ULK4: variants seen among roughly 807,000 people sequenced by gnomAD.
The protein encoded by ULK4 is inactive serine/threonine-protein kinase ULK4.
ULK4 carries 133 observed loss-of-function variants against 160.6 expected under a neutral mutation model. That is an observed-to-expected ratio of 0.83 (90% confidence interval 0.72 to 0.96). The LOEUF (loss-of-function observed/expected upper bound fraction) is 0.96, where lower values mean the gene tolerates loss of function less well. Ranked by LOEUF, ULK4 falls within the 40% of genes least tolerant of loss-of-function variation. The pLI is 0.00. For missense variants in ULK4, 1,580 were observed against 1,499.5 expected, an observed-to-expected ratio of 1.05 and a Z score of -0.89; for synonymous variants, 534 against 539.8, an observed-to-expected ratio of 0.99 and a Z score of 0.15.
chr3:41,334,065 C>T (rs909913232), intron 35 of ULK4, among the ~76,000 whole-genome samples: 1 of 152,084 alleles, frequency 6.6e-6, no homozygotes, highest in Non-Finnish European at 1.5e-5. Flanking sequence ...TTCACACATG[C>T]GCACATACAC....
chr3:41,380,459 G>C (rs2081623890), intron 35 of ULK4, among the ~76,000 whole-genome samples: 1 of 152,156 alleles, frequency 6.6e-6, no homozygotes, highest in South Asian at 2.1e-4. Flanking sequence ...CATACCGTCA[G>C]AGTAAGACTG....
chr3:41,583,563 A>C (rs2030548290), intron 31 of ULK4, among the ~76,000 whole-genome samples: 1 of 152,236 alleles, frequency 6.6e-6, no homozygotes, highest in Admixed American at 6.5e-5. Flanking sequence ...AGATGATGTT[A>C]GGCCAGGAAG....
chr3:41,447,674 C>T (rs1056440138), intron 34 of ULK4, among the ~76,000 whole-genome samples: 3 of 152,162 alleles, frequency 2.0e-5, no homozygotes, highest in Non-Finnish European at 2.9e-5. Context: ...CTCACCAATG[C>T]TGCCGGGATC....
At chr3:41,867,630 A>G (rs953875897) in intron 17 of ULK4, among the ~76,000 whole-genome samples, 5 of 151,924 alleles carry the variant, frequency 3.3e-5, no homozygotes, top group African/African-American at 4.8e-5. Context: ...GCCCGCCTCA[A>G]CCTCCCAAAG....
chr3:41,759,565 G>T (rs2038919892), intron 21 of ULK4, among the ~76,000 whole-genome samples: 1 of 152,078 alleles, frequency 6.6e-6, no homozygotes, highest in South Asian at 2.1e-4. Context: ...TCCCCAAATT[G>T]ACCTATAGAC....
intron 6 of ULK4, 120 bp downstream of exon 6, chr3:41,919,595 CTG>C (rs1699116349): frequency 1.2e-6 from 1 of 800,804 alleles, no homozygotes. Context: ...GTACGAGACT[CTG>C]TCTCAAAATA....
At chr3:41,580,609 G>A (rs1297997309) in intron 31 of ULK4, among the ~76,000 whole-genome samples, 3 of 152,050 alleles carry the variant, frequency 2.0e-5, no homozygotes, top group Non-Finnish European at 1.5e-5. Context: ...AAAACTTTAG[G>A]CAGATGGAAA....
intron 21 of ULK4, among the ~76,000 whole-genome samples, chr3:41,773,253 T>C (rs935657402): frequency 4.6e-5 from 7 of 152,198 alleles, no homozygotes; most frequent in African/African-American, 9.6e-5. Flanking sequence ...ATAAAGGGCA[T>C]TCAATTAGGA....
Position 41,767,269 on chromosome 3 carries a change from G to A in ULK4, c.2194-12781C>T, listed in dbSNP as rs369308318. Among the ~76,000 whole-genome samples the A allele has an allele frequency of 6.6e-5, 10 of 152,006 alleles. 1 individual carries two copies. Among genetic ancestry groups the A allele is most frequent in the Admixed American group, 5.9e-4 (9 of 15,256 alleles). ...AGTTACAAAAACTCTGCAAAATACCGAAAATTAGAGACAAAAGAAAAATCA... is the reference window on the plus strand; with the variant it reads ...AGTTACAAAAACTCTGCAAAATACCAAAAATTAGAGACAAAAGAAAAATCA... On this transcript the variant is annotated intron_variant, in intron 21 of 36. Coordinates refer to ENST00000301831, the MANE Select transcript of ULK4 (RefSeq NM_017886.4).
chr3:41,286,753 T>C (rs1045635458), intron 35 of ULK4, among the ~76,000 whole-genome samples: 1 of 152,206 alleles, frequency 6.6e-6, no homozygotes, highest in African/African-American at 2.4e-5. Flanking sequence ...TTCTAGTCCA[T>C]GCTCAGATCT....
intron 32 of ULK4, among the ~76,000 whole-genome samples, chr3:41,526,768 C>T (rs542769341): frequency 1.8e-3 from 268 of 152,232 alleles, no homozygotes; most frequent in Non-Finnish European, 2.7e-3. Context: ...CAATATTTGG[C>T]CAGTATCCTT....
At chr3:41,270,273 G>A (rs554829431) in intron 35 of ULK4, among the ~76,000 whole-genome samples, 2 of 152,262 alleles carry the variant, frequency 1.3e-5, no homozygotes, top group South Asian at 4.2e-4. Flanking sequence ...AGCTGGGGCT[G>A]GAGAGTCATG....
intron 14 of ULK4, among the ~76,000 whole-genome samples, chr3:41,897,410 TA>T (rs910470967): frequency 5.3e-5 from 8 of 151,738 alleles, no homozygotes; most frequent in African/African-American, 9.7e-5. Flanking sequence ...AAAATTATTG[TA>T]AAAAAAATAA....
chr3:41,688,298 A>C (rs2036165999), intron 27 of ULK4, among the ~76,000 whole-genome samples: 1 of 152,046 alleles, frequency 6.6e-6, no homozygotes, highest in Non-Finnish European at 1.5e-5. Flanking sequence ...TCACACCTGT[A>C]GCCTCAGCTA....
chr3:41,788,269 C>T (rs999428920), intron 21 of ULK4, among the ~76,000 whole-genome samples: 2 of 152,038 alleles, frequency 1.3e-5, no homozygotes, highest in African/African-American at 4.8e-5. Context: ...TTATAAAAAC[C>T]AAAATTTAAT....
chr3:41,682,597 T>C (rs537220641), intron 27 of ULK4, among the ~76,000 whole-genome samples: 2 of 152,356 alleles, frequency 1.3e-5, no homozygotes, highest in African/African-American at 4.8e-5. Flanking sequence ...AATCTCCATA[T>C]GTGGCTGGTG....
At chr3:41,740,832 T>C (rs1235942250) in intron 22 of ULK4, among the ~76,000 whole-genome samples, 2 of 151,938 alleles carry the variant, frequency 1.3e-5, no homozygotes, top group Non-Finnish European at 2.9e-5. Flanking sequence ...TATAAACTCA[T>C]CACAGAGAAT....
At position 41,869,485 on chromosome 3, in the gene ULK4, G is replaced by A. The variant is rs891357014; in HGVS notation, c.1656+14389C>T. On this transcript the variant is annotated intron_variant, in intron 17 of 36. Transcript: ENST00000301831. The stretch of plus-strand genomic sequence containing the variant: ...AATCCCAGTTACTCGGGAGGTTGAG[G>A]CATGAGAATCACTTGAACCCAGGAG... Among the ~76,000 whole-genome samples, 12 of 152,100 alleles carry A rather than the reference G, an allele frequency of 7.9e-5. 1 individual carries two copies. Among genetic ancestry groups the A allele is most frequent in the Admixed American group, 2.6e-4 (4 of 15,270 alleles).
intron 5 of ULK4, among the ~76,000 whole-genome samples, chr3:41,930,768 T>C (rs1699565173): frequency 6.6e-6 from 1 of 151,968 alleles, no homozygotes. Context: ...ATTACAGAAA[T>C]GCAAATCAAA....
Sources: allele counts gnomAD v4.1 joint callset (sites outside exome capture counted in the v4.1 genomes callset), GRCh38; gene constraint gnomAD v4.1.1; transcripts MANE v1.5; gene names NCBI Gene and HGNC (gene_info 2026-07-23, HGNC 2026-07-21).